The following GYG1 variants were observed in gnomAD, a reference collection of about 807,000 sequenced individuals.
GYG1 encodes glycogenin-1.
In GYG1, 44 loss-of-function variants were observed where a neutral mutation model predicts 41.9. That is an observed-to-expected ratio of 1.05 (90% CI 0.83 to 1.35). GYG1 has a LOEUF of 1.35. GYG1 is among the 40% of genes most tolerant of loss of function. GYG1 has a pLI of 0.00. For missense variants in GYG1, 429 were observed against 418.9 expected (o/e 1.02, Z -0.21); for synonymous variants, 141 against 158.1 (o/e 0.89, Z 0.81).
chr3:149,017,726 C>T (rs956744052), intron 5 of GYG1, among the ~76,000 whole-genome samples: 8 of 150,424 alleles, frequency 5.3e-5, no homozygotes, highest in African/African-American at 2.0e-4. Context: ...GCATCAGCCT[C>T]CCAAGTAGCT....
chr3:148,996,354 A>T lies in GYG1; in HGVS notation c.196A>T (p.Ser66Cys), dbSNP rs752174883. ...AGTCATCATGGTAGATGTCTTGGAC[A>T]GTGGCGATTCTGCTCATCTAACCTT... The part of the protein sequence containing the change: ...DEVIMVDVLD[S>C]GDSAHLTLMK... Residue 66 changes from serine to cysteine, a missense_variant, in exon 3 of 8, where the codon AGT becomes TGT. Physicochemically the swap from Ser to Cys is moderately radical, Grantham distance 112. Transcript: ENST00000345003. 1.9e-6 allele frequency: 3 copies of T among 1,612,014 alleles called. No homozygotes were observed.
Position 148,994,157 on chromosome 3 carries a change from C to T in GYG1, c.23C>T (p.Thr8Ile). Residue 8 changes from threonine to isoleucine, a missense_variant, in exon 2 of 8, where the codon ACA (threonine) becomes ATA (isoleucine). Coordinates refer to ENST00000345003, the MANE Select transcript of GYG1 (RefSeq NM_004130.4). ...TTGTATTAAGATCAGGCCTTTGTGA[C>T]ACTAACCACAAACGATGCCTACGCC... MTDQAFV[T>I]LTTNDAYAKG... 6.2e-7 allele frequency: 1 copy of T among 1,612,872 alleles called. No individual in the cohort carries two copies. Among genetic ancestry groups the T allele is most frequent in the East Asian group, 2.2e-5 (1 of 44,842 alleles).
At chr3:149,021,763 T>G (rs1714383961) in intron 5 of GYG1, among the ~76,000 whole-genome samples, 1 of 134,166 alleles carries the variant, frequency 7.5e-6, no homozygotes, top group South Asian at 2.2e-4. Flanking sequence ...AGTTCCTAAC[T>G]TTTTTTTTTT....
chr3:148,999,596 C>CTTA (rs1491473682), intron 4 of GYG1, among the ~76,000 whole-genome samples: 1 of 152,160 alleles, frequency 6.6e-6, no homozygotes, highest in African/African-American at 2.4e-5. Flanking sequence ...ATGTGTTGGA[C>CTTA]TTATGCTTGA....
chr3:149,020,138 A>G (rs1005234582), intron 5 of GYG1, among the ~76,000 whole-genome samples: 9 of 151,862 alleles, frequency 5.9e-5, no homozygotes, highest in Non-Finnish European at 1.3e-4. Context: ...TTTTTTCCTT[A>G]ACCTCTGTTG....
chr3:149,024,106 A>C lies in GYG1; in HGVS notation c.662A>C (p.Asn221Thr), dbSNP rs1412348949. 1 of 1,614,196 alleles carries C rather than the reference A, an allele frequency of 6.2e-7. No individual in the cohort carries two copies. The change falls in exon 6 of 8, where the codon AAT becomes ACT. Residue 221 changes from asparagine (N) to threonine (T), a missense_variant. Transcript: ENST00000345003. ...VHFLGRVKPW[N>T]YTYDPKTKSV... ...TTCCTGGGACGAGTCAAACCATGGA[A>C]TTATACTTATGATCCCAAAACAAAA...
rs9819077 is a variant in GYG1 at position 148,994,468 on chromosome 3, A to G, written c.143+191A>G. ...AGCTTTTGGGAGATATTCCAACTCAATTCTTTTCTGGAAGGTGTTATGCTG... is the reference window on the plus strand; with the variant it reads ...AGCTTTTGGGAGATATTCCAACTCAGTTCTTTTCTGGAAGGTGTTATGCTG... On this transcript the variant is annotated intron_variant, in intron 2 of 7. Transcript: ENST00000345003. Among the ~76,000 whole-genome samples the G allele has an allele frequency of 0.3, 45,854 of 152,040 alleles. 7,779 individuals are homozygous for G. The highest frequency in any genetic ancestry group is 0.45 in the Middle Eastern group (132 of 294).
At chr3:149,013,390 C>T (rs756136752) in intron 5 of GYG1, among the ~76,000 whole-genome samples, 36 of 152,246 alleles carry the variant, frequency 2.4e-4, no homozygotes, top group African/African-American at 6.0e-4. Context: ...ACTGACTAAA[C>T]GCTCTCTAGG....
intron 5 of GYG1, among the ~76,000 whole-genome samples, chr3:149,017,495 T>C (rs1262509216): frequency 6.6e-6 from 1 of 151,774 alleles, no homozygotes; most frequent in Non-Finnish European, 1.5e-5. Flanking sequence ...TTGAGGTCAG[T>C]TCAACGCTAT....
chr3:149,009,535 G>A, intron 5 of GYG1, 133 bp downstream of exon 5: 1 of 944,032 alleles, frequency 1.1e-6, no homozygotes, highest in South Asian at 1.3e-5. Flanking sequence ...TCTCTTGTAA[G>A]AACCGTGGCT....
intron 5 of GYG1, among the ~76,000 whole-genome samples, chr3:149,015,587 A>G (rs1713975206): frequency 6.6e-6 from 1 of 152,210 alleles, no homozygotes. Flanking sequence ...ATACAAGACA[A>G]CTGAGAATTG....
At chr3:149,013,854 A>G (rs1014954985) in intron 5 of GYG1, among the ~76,000 whole-genome samples, 3 of 152,126 alleles carry the variant, frequency 2.0e-5, no homozygotes, top group African/African-American at 7.2e-5. Flanking sequence ...GTCTATTTTC[A>G]TTTCTTTTCA....
rs190776732 is a variant in GYG1 at position 149,011,798 on chromosome 3, C to T, written c.608+2396C>T. On this transcript the variant is annotated intron_variant, in intron 5 of 7. Transcript: ENST00000345003. ...ATGAGTGCTAATTTTGGAAATCCCC[C>T]GGGTTTATTGTAACCATAGAGAATA... Among the ~76,000 whole-genome samples, 773 of 152,254 alleles carry T rather than the reference C, an allele frequency of 5.1e-3. 1 individual carries two copies. Among genetic ancestry groups the T allele is most frequent in the Non-Finnish European group, 8.4e-3 (570 of 68,012 alleles).
At chr3:149,000,353 G>A (rs938706744) in intron 4 of GYG1, among the ~76,000 whole-genome samples, 3 of 152,110 alleles carry the variant, frequency 2.0e-5, no homozygotes, top group Admixed American at 1.3e-4. Flanking sequence ...CATATTTCCC[G>A]AAAAGTTGAA....
intron 5 of GYG1, among the ~76,000 whole-genome samples, chr3:149,023,607 A>AT (rs1313639788): frequency 6.6e-6 from 1 of 152,156 alleles, no homozygotes; most frequent in Non-Finnish European, 1.5e-5. Context: ...CTACATTTAC[A>AT]TTTTTTGTAT....
intron 4 of GYG1, among the ~76,000 whole-genome samples, chr3:148,998,502 C>G (rs529901097): frequency 6.6e-6 from 1 of 152,168 alleles, no homozygotes; most frequent in African/African-American, 2.4e-5. Flanking sequence ...GCTGAGGTTG[C>G]GAAACTCTGC....
rs532787062 is a variant in GYG1 at position 149,027,263 on chromosome 3, A to G, written c.*330A>G. 93 of 343,510 alleles carry G rather than the reference A, an allele frequency of 2.7e-4. No individual in the cohort carries two copies. The South Asian group carries it at 3.3e-3, about 12-fold the overall frequency. The allele number at this position is 343,510 out of a possible 1,614,324, so 21.3% of individuals were successfully genotyped here. On this transcript the variant is annotated 3_prime_UTR_variant, in exon 8 of 8. Coordinates refer to ENST00000345003, the MANE Select transcript of GYG1 (RefSeq NM_004130.4). ...CTTAAAATCTGCAGAGCCTGGTTCA[A>G]AATCAGTCACTCCCTTCAGAAGCAG... is the stretch of plus-strand genomic sequence containing the variant.
chr3:148,998,932 T>A (rs1307867340), intron 4 of GYG1, among the ~76,000 whole-genome samples: 1 of 152,328 alleles, frequency 6.6e-6, no homozygotes, highest in South Asian at 2.1e-4. Context: ...CTTTTCAGCT[T>A]TAGTAAGTGA....
At chr3:148,999,515 T>G (rs944795599) in intron 4 of GYG1, among the ~76,000 whole-genome samples, 3 of 152,226 alleles carry the variant, frequency 2.0e-5, no homozygotes, top group African/African-American at 7.2e-5. Context: ...ACTCTATACC[T>G]TGGGAGGCTG....
Sources: allele counts gnomAD v4.1 joint callset (sites outside exome capture counted in the v4.1 genomes callset), GRCh38; gene constraint gnomAD v4.1.1; transcripts MANE v1.5; gene names NCBI Gene and HGNC (gene_info 2026-07-23, HGNC 2026-07-21).